KLHL32: variants seen among roughly 807,000 people sequenced by gnomAD.
KLHL32 encodes the protein kelch like family member 32.
A neutral mutation model predicts 64.8 loss-of-function variants in KLHL32; 35 were observed. The observed-to-expected ratio is 0.54, with a 90% CI of 0.41 to 0.72. The LOEUF is 0.72. KLHL32 is among the 30% of genes least tolerant of loss of function. KLHL32 has a pLI of 0.00. For synonymous variants in KLHL32, 259 were observed against 281.0 expected (o/e 0.92, Z 0.78); for missense variants, 589 against 768.5 (o/e 0.77, Z 2.76).
chr6:97,033,065 A>G (rs1783791827), intron 3 of KLHL32, among the ~76,000 whole-genome samples: 1 of 152,190 alleles, frequency 6.6e-6, no homozygotes, highest in African/African-American at 2.4e-5. Flanking sequence ...TTGTTACCAC[A>G]AAATATAAAT....
rs149619435 is a variant in KLHL32 at position 97,085,184 on chromosome 6, C to T, written c.470C>T (p.Thr157Ile). 1.2e-6 allele frequency: 2 copies of T among 1,614,010 alleles called. No individual in the cohort carries two copies. Among genetic ancestry groups the T allele is most frequent in the Non-Finnish European group, 1.7e-6 (2 of 1,180,020 alleles). ...AGACTTGCTGACCTCTTTAACCTCA[C>T]TTTGTTGGAGAAGGCAGTGATCGAT... Reference protein sequence around the residue: ...LYRLADLFNLTLLEKAVIDFL... With the variant: ...LYRLADLFNLILLEKAVIDFL... Residue 157 changes from threonine (T) to isoleucine (I), a missense_variant, in exon 6 of 11, where the codon ACT (threonine) becomes ATT (isoleucine). Coordinates refer to ENST00000369261, the MANE Select transcript of KLHL32 (RefSeq NM_052904.4).
intron 3 of KLHL32, among the ~76,000 whole-genome samples, chr6:97,005,362 TTCTC>T (rs1339753757): frequency 1.3e-5 from 2 of 152,122 alleles, no homozygotes; most frequent in African/African-American, 4.8e-5. Flanking sequence ...TTTTTAGATC[TTCTC>T]TCTTTTTTTC....
chr6:97,006,968 T>C (rs1051414277), intron 3 of KLHL32, among the ~76,000 whole-genome samples: 4 of 152,184 alleles, frequency 2.6e-5, no homozygotes, highest in Admixed American at 2.6e-4. Context: ...CTATGTGTCT[T>C]GGGGATGGTC....
intron 2 of KLHL32, among the ~76,000 whole-genome samples, chr6:96,968,887 G>T (rs1306913938): frequency 6.6e-6 from 1 of 152,148 alleles, no homozygotes; most frequent in African/African-American, 2.4e-5. Context: ...GGTAGAGAGA[G>T]TGTCATCCTC....
At chr6:96,994,899 T>C (rs1348251047) in intron 3 of KLHL32, among the ~76,000 whole-genome samples, 2 of 152,292 alleles carry the variant, frequency 1.3e-5, no homozygotes, top group East Asian at 1.9e-4. Flanking sequence ...TGAGTCAGAT[T>C]TGAGTTTGAA....
At chr6:97,026,542 A>C (rs1277956895) in intron 3 of KLHL32, among the ~76,000 whole-genome samples, 2 of 152,184 alleles carry the variant, frequency 1.3e-5, no homozygotes. Flanking sequence ...GTGCATGCCT[A>C]ATAAAGGAGA....
rs763909891 is a variant in KLHL32, at chr6:97,100,799, C to CTT, written c.628-12963_628-12962dup. Among the ~76,000 whole-genome samples, 709 of 96,204 alleles carry CTT rather than the reference C, an allele frequency of 7.4e-3. 7 individuals carry two copies. The highest frequency in any genetic ancestry group is 0.012 in the East Asian group (40 of 3,248). 63.1% of individuals were successfully genotyped at this position (96,204 alleles called of 152,430 possible). A position where few individuals can be genotyped will look rare whatever the true frequency, so the allele number is the denominator to read the frequency against. ...GCTCTTGTGCTCTTGGCTCATTATT[C>CTT]TTTTTTTTTTTTTTTTTTTTTTGAG... On this transcript the variant is annotated intron_variant, in intron 6 of 10. Transcript: ENST00000369261.
upstream of KLHL32, among the ~76,000 whole-genome samples, chr6:96,923,666 G>C (rs1038992205): frequency 6.6e-6 from 1 of 152,180 alleles, no homozygotes; most frequent in Non-Finnish European, 1.5e-5. Flanking sequence ...AAATAGATCA[G>C]GGCACTGTTC....
chr6:97,057,172 CTTT>C (rs199552121), intron 4 of KLHL32, among the ~76,000 whole-genome samples: 3 of 64,998 alleles, frequency 4.6e-5, no homozygotes, highest in African/African-American at 1.8e-4. Context: ...ATGTGAGTAT[CTTT>C]TTTTTTTTTT....
intron 10 of KLHL32, among the ~76,000 whole-genome samples, chr6:97,137,827 C>T (rs1800209223): frequency 6.6e-6 from 1 of 152,136 alleles, no homozygotes; most frequent in Admixed American, 6.5e-5. Context: ...CCACCGCGCC[C>T]AGCCTATTGC....
At chr6:97,104,904 A>C (rs1449486520) in intron 6 of KLHL32, among the ~76,000 whole-genome samples, 1 of 152,186 alleles carries the variant, frequency 6.6e-6, no homozygotes, top group Non-Finnish European at 1.5e-5. Flanking sequence ...CAAGGAAGAG[A>C]ATGTAACTAT....
intron 4 of KLHL32, among the ~76,000 whole-genome samples, chr6:97,056,618 T>G (rs897113064): frequency 1.3e-5 from 2 of 152,216 alleles, no homozygotes; most frequent in Non-Finnish European, 2.9e-5. Flanking sequence ...TATTTGGTAT[T>G]GACAAATAAC....
intron 5 of KLHL32, among the ~76,000 whole-genome samples, chr6:97,065,780 G>C (rs565586084): frequency 6.6e-6 from 1 of 152,062 alleles, no homozygotes; most frequent in African/African-American, 2.4e-5. Context: ...ATTGACTTCT[G>C]TTACCTCTTA....
intron 6 of KLHL32, among the ~76,000 whole-genome samples, chr6:97,099,172 C>T (rs564712907): frequency 6.6e-6 from 1 of 152,308 alleles, no homozygotes; most frequent in South Asian, 2.1e-4. Flanking sequence ...CTTCTTCCCT[C>T]ATACACCTGC....
intron 3 of KLHL32, among the ~76,000 whole-genome samples, chr6:97,041,005 C>T (rs183572012): frequency 1.3e-5 from 2 of 152,256 alleles, no homozygotes; most frequent in East Asian, 3.9e-4. Context: ...TTATAAGTCA[C>T]CTAGTCTCAG....
At chr6:96,957,285 T>C (rs995562743) in intron 1 of KLHL32, among the ~76,000 whole-genome samples, 2 of 152,194 alleles carry the variant, frequency 1.3e-5, no homozygotes, top group South Asian at 2.1e-4. Context: ...CTAAATCTCA[T>C]ATTTTCTATT....
chr6:97,027,679 C>G (rs967697511), intron 3 of KLHL32, among the ~76,000 whole-genome samples: 5 of 152,196 alleles, frequency 3.3e-5, no homozygotes, highest in African/African-American at 1.2e-4. Context: ...CTTGAATCCA[C>G]TTTCTTTCTT....
intron 6 of KLHL32, among the ~76,000 whole-genome samples, chr6:97,086,765 A>G (rs1234480611): frequency 2.6e-5 from 4 of 152,218 alleles, no homozygotes; most frequent in Non-Finnish European, 4.4e-5. Context: ...AGAAATTTCA[A>G]TTATCTCTGG....
At chr6:96,992,201 G>A (rs1224754839) in intron 3 of KLHL32, among the ~76,000 whole-genome samples, 1 of 152,230 alleles carries the variant, frequency 6.6e-6, no homozygotes, top group Non-Finnish European at 1.5e-5. Context: ...TGCAGCTGCC[G>A]GTGTCCGGTA....
Sources: allele counts gnomAD v4.1 joint callset (sites outside exome capture counted in the v4.1 genomes callset), GRCh38; gene constraint gnomAD v4.1.1; transcripts MANE v1.5; gene names NCBI Gene and HGNC (gene_info 2026-07-23, HGNC 2026-07-21).